The following FGD6 variants were observed in gnomAD, a reference collection of about 807,000 sequenced individuals.
The protein encoded by FGD6 is FYVE, RhoGEF and PH domain-containing protein 6.
In FGD6, 90 loss-of-function variants were observed where a neutral mutation model predicts 149.4. That is an observed-to-expected ratio of 0.60 (90% CI 0.51 to 0.72). FGD6 has a LOEUF of 0.72. FGD6 is among the 30% of genes least tolerant of loss of function. FGD6 has a pLI of 0.00. For missense variants in FGD6, 1,437 were observed against 1,684.8 expected (o/e 0.85, Z 2.57); for synonymous variants, 527 against 584.0 (o/e 0.90, Z 1.41).
intron 6 of FGD6, among the ~76,000 whole-genome samples, 192 bp from the exon 7 acceptor site, chr12:95,137,870 C>G (rs1343324691): frequency 2.0e-5 from 3 of 152,148 alleles, no homozygotes; most frequent in Non-Finnish European, 4.4e-5. Flanking sequence ...ACTGGTCTCC[C>G]TGCTTCCATT....
intron 2 of FGD6, among the ~76,000 whole-genome samples, chr12:95,183,465 C>T (rs1881341675): frequency 6.6e-6 from 1 of 152,222 alleles, no homozygotes. Context: ...GTTGATCTCA[C>T]CCGTCCAGTG....
intron 2 of FGD6, among the ~76,000 whole-genome samples, chr12:95,183,641 T>C (rs1449310021): frequency 2.0e-5 from 3 of 152,072 alleles, no homozygotes; most frequent in Non-Finnish European, 4.4e-5. Context: ...GAGTTTGAGA[T>C]CAGCCTAGGC....
intron 12 of FGD6, 124 bp from the exon 13 acceptor site, chr12:95,107,161 C>A: frequency 1.4e-6 from 1 of 695,324 alleles, no homozygotes; most frequent in African/African-American, 1.8e-5. Context: ...GAATAAAATA[C>A]TTATATTCTG....
chr12:95,173,412 T>C (rs1265320898), intron 2 of FGD6, among the ~76,000 whole-genome samples: 1 of 152,164 alleles, frequency 6.6e-6, no homozygotes, highest in Non-Finnish European at 1.5e-5. Context: ...AAATAATAAG[T>C]AAGCTTGTTT....
chr12:95,210,993 A>C lies in FGD6; in HGVS notation c.291T>G (p.Tyr97Ter), dbSNP rs1177005658. The change falls in exon 2 of 21, where the codon TAT (tyrosine) becomes TAG (stop). Residue 97 changes from tyrosine to a stop codon, truncating the protein, a stop_gained. Coordinates refer to ENST00000343958, the MANE Select transcript of FGD6 (RefSeq NM_018351.4). LOFTEE classifies it high-confidence loss of function. The part of the protein sequence containing the change: ...AESTDNFNCK[Y>*]EGNQSNDYIS... Reference sequence around the variant, plus strand: ...TATAATCATTGCTCTGATTGCCTTCATATTTACAATTAAAGTTGTCAGTGC... The same window carrying C: ...TATAATCATTGCTCTGATTGCCTTCCTATTTACAATTAAAGTTGTCAGTGC... The C allele has an allele frequency of 1.2e-6, 2 of 1,614,232 alleles. No individual in the cohort carries two copies. The highest frequency in any genetic ancestry group is 1.1e-5 in the South Asian group (1 of 91,076).
rs537363064 is a variant in FGD6, at chr12:95,102,717, T to C, written c.3497+2290A>G. 2.5e-4 allele frequency among the ~76,000 whole-genome samples: 38 copies of C among 152,282 alleles called. No individual in the cohort carries two copies. The Middle Eastern group carries it at 0.01, about 41-fold the overall frequency. On this transcript the variant is annotated intron_variant, in intron 14 of 20. Transcript: ENST00000343958. ...GGAGTAGCACACCCCAGGATGACTCTTGTGGTCCTCTGATTTTGGGAAGTC... is the reference window on the plus strand; with the variant it reads ...GGAGTAGCACACCCCAGGATGACTCCTGTGGTCCTCTGATTTTGGGAAGTC...
intron 3 of FGD6, among the ~76,000 whole-genome samples, chr12:95,155,963 G>A (rs946731186): frequency 6.6e-6 from 1 of 152,150 alleles, no homozygotes; most frequent in Non-Finnish European, 1.5e-5. Context: ...AAGATTTCAT[G>A]GACACTTATC....
chr12:95,090,650 G>C (rs888646664), intron 17 of FGD6, among the ~76,000 whole-genome samples: 2 of 152,196 alleles, frequency 1.3e-5, no homozygotes, highest in African/African-American at 4.8e-5. Context: ...CATAAAGGAA[G>C]AGATGGATGG....
intron 2 of FGD6, among the ~76,000 whole-genome samples, chr12:95,192,009 T>G (rs1041651084): frequency 2.6e-5 from 4 of 152,188 alleles, no homozygotes; most frequent in African/African-American, 9.7e-5. Flanking sequence ...ATTACAGGCA[T>G]GAGCCACCAC....
intron 3 of FGD6, among the ~76,000 whole-genome samples, chr12:95,158,790 G>A (rs2136276427): frequency 6.6e-6 from 1 of 152,162 alleles, no homozygotes; most frequent in Middle Eastern, 3.4e-3. Flanking sequence ...GAGAGGCCAA[G>A]GTGGGAGGAT....
intron 8 of FGD6, among the ~76,000 whole-genome samples, chr12:95,129,968 C>G (rs2136254666): frequency 6.6e-6 from 1 of 152,212 alleles, no homozygotes; most frequent in East Asian, 1.9e-4. Context: ...GCCATCATGC[C>G]CAGCCAAAAT....
chr12:95,088,732 AT>A (rs1278645937), intron 18 of FGD6, among the ~76,000 whole-genome samples: 1 of 152,236 alleles, frequency 6.6e-6, no homozygotes, highest in African/African-American at 2.4e-5. Context: ...AAACAATGAA[AT>A]ATTATTCAGA....
At chr12:95,127,335 G>A (rs1879375958) in intron 8 of FGD6, among the ~76,000 whole-genome samples, 1 of 152,126 alleles carries the variant, frequency 6.6e-6, no homozygotes, top group African/African-American at 2.4e-5. Context: ...CACGAGGTCA[G>A]GAGTTCCAGA....
At chr12:95,105,196 T>C in intron 13 of FGD6, 110 bp from the exon 14 acceptor site, 1 of 863,282 alleles carries the variant, frequency 1.2e-6, no homozygotes, top group Non-Finnish European at 1.9e-6. Flanking sequence ...AATCTTCCTA[T>C]CCAGCTTTCT....
Position 95,078,187 on chromosome 12 carries a change from A to C in FGD6, c.*3333T>G, listed in dbSNP as rs576688713. Reference sequence around the variant, plus strand: ...AGACCCGGTCTCTTAAAAACTAAAAAGACCTAGGGCAGTATTATGGAAGAC... The same window carrying C: ...AGACCCGGTCTCTTAAAAACTAAAACGACCTAGGGCAGTATTATGGAAGAC... On this transcript the variant is annotated 3_prime_UTR_variant, in exon 21 of 21. Coordinates refer to ENST00000343958, the MANE Select transcript of FGD6 (RefSeq NM_018351.4). The C allele has an allele frequency of 6.6e-6, 1 of 152,360 alleles. No individual in the cohort carries two copies. Among genetic ancestry groups the C allele is most frequent in the Non-Finnish European group, 1.5e-5 (1 of 68,058 alleles). 9.4% of individuals were successfully genotyped at this position (152,360 alleles called of 1,614,324 possible).
chr12:95,157,033 A>C (rs921842265), intron 3 of FGD6, among the ~76,000 whole-genome samples: 5 of 152,260 alleles, frequency 3.3e-5, no homozygotes, highest in Non-Finnish European at 7.4e-5. Context: ...TTACTGCTAA[A>C]CCTAATACCC....
At chr12:95,163,497 C>T (rs1261783927) in intron 3 of FGD6, among the ~76,000 whole-genome samples, 3 of 152,142 alleles carry the variant, frequency 2.0e-5, no homozygotes, top group Non-Finnish European at 2.9e-5. Context: ...CTCTAGTCTC[C>T]GATCTAATTC....
intron 5 of FGD6, among the ~76,000 whole-genome samples, chr12:95,143,206 A>G (rs1394910277): frequency 6.6e-6 from 1 of 152,150 alleles, no homozygotes; most frequent in East Asian, 1.9e-4. Context: ...AATGAAATCA[A>G]CCAAAAAAGT....
chr12:95,119,739 T>C (rs1879130851), intron 8 of FGD6, among the ~76,000 whole-genome samples: 1 of 152,168 alleles, frequency 6.6e-6, no homozygotes, highest in Non-Finnish European at 1.5e-5. Context: ...GAGACCCGCC[T>C]TGCCAACATG....
Sources: allele counts gnomAD v4.1 joint callset (sites outside exome capture counted in the v4.1 genomes callset), GRCh38; gene constraint gnomAD v4.1.1; transcripts MANE v1.5; gene names NCBI Gene and HGNC (gene_info 2026-07-23, HGNC 2026-07-21).